The following DPYD variants were observed in gnomAD, a reference collection of about 807,000 sequenced individuals.
DPYD encodes dihydropyrimidine dehydrogenase.
In DPYD, 109 loss-of-function variants were observed where a neutral mutation model predicts 116.2. That is an observed-to-expected ratio of 0.94 (90% CI 0.80 to 1.10). The LOEUF is 1.10. DPYD is among the 50% of genes least tolerant of loss of function. The pLI is 0.00. For synonymous variants in DPYD, 440 were observed against 432.0 expected (o/e 1.02, Z -0.23); for missense variants, 1,302 against 1,254.5 (o/e 1.04, Z -0.57).
intron 12 of DPYD, chr1:97,545,742 A>C: frequency 6.7e-7 from 1 of 1,499,724 alleles, no homozygotes; most frequent in Non-Finnish European, 9.2e-7. Flanking sequence ...AAGAAAGGGA[A>C]TTTCGTGCTC....
At chr1:97,757,876 A>C (rs1465716186) in intron 3 of DPYD, among the ~76,000 whole-genome samples, 1 of 152,158 alleles carries the variant, frequency 6.6e-6, no homozygotes, top group Non-Finnish European at 1.5e-5. Flanking sequence ...TTAGGAAAAA[A>C]ATGATCATTA....
At chr1:97,215,657 A>G (rs1300646859) in intron 19 of DPYD, among the ~76,000 whole-genome samples, 1 of 152,120 alleles carries the variant, frequency 6.6e-6, no homozygotes, top group Non-Finnish European at 1.5e-5. Context: ...AACTGAGGGC[A>G]CTTGTAGTTT....
At chr1:97,323,548 TACA>T (rs1668507099) in intron 16 of DPYD, among the ~76,000 whole-genome samples, 2 of 80,914 alleles carry the variant, frequency 2.5e-5, no homozygotes, top group African/African-American at 7.2e-5. Flanking sequence ...ATCATATATA[TACA>T]TATATGTGTA....
At chr1:97,421,529 T>C (rs1674583187) in intron 14 of DPYD, among the ~76,000 whole-genome samples, 1 of 142,202 alleles carries the variant, frequency 7.0e-6, no homozygotes, top group South Asian at 2.1e-4. Context: ...TTTTGGTCAG[T>C]TTTTATTTAT....
At chr1:97,891,419 G>T (rs1384459761) in intron 1 of DPYD, among the ~76,000 whole-genome samples, 2 of 7,290 alleles carry the variant, frequency 2.7e-4, no homozygotes, top group Non-Finnish European at 6.5e-3. Flanking sequence ...TATTCCAGAC[G>T]CAGAAAAAAA....
intron 8 of DPYD, among the ~76,000 whole-genome samples, chr1:97,604,395 C>A (rs911956492): frequency 6.6e-6 from 1 of 152,070 alleles, no homozygotes; most frequent in East Asian, 1.9e-4. Context: ...ATGTAATTCA[C>A]AAACATAGAA....
chr1:97,702,542 G>T (rs1661654478), intron 5 of DPYD, among the ~76,000 whole-genome samples: 2 of 151,840 alleles, frequency 1.3e-5, no homozygotes. Flanking sequence ...CATTTATGAT[G>T]TATTTAAAAG....
intron 8 of DPYD, among the ~76,000 whole-genome samples, chr1:97,625,311 AT>A (rs1487559734): frequency 6.7e-6 from 1 of 150,284 alleles, no homozygotes; most frequent in Non-Finnish European, 1.5e-5. Flanking sequence ...GAAGGATTAC[AT>A]GTAAGAAGAA....
intron 3 of DPYD, among the ~76,000 whole-genome samples, chr1:97,765,159 T>C (rs1054942806): frequency 6.6e-6 from 1 of 152,224 alleles, no homozygotes; most frequent in African/African-American, 2.4e-5. Context: ...TTTAATTCTA[T>C]ACAACGCCTT....
At chr1:97,525,869 T>G (rs1649026405) in intron 12 of DPYD, among the ~76,000 whole-genome samples, 1 of 126,330 alleles carries the variant, frequency 7.9e-6, no homozygotes, top group East Asian at 2.9e-4. Flanking sequence ...ATTAAGAGTG[T>G]GCGTGTGTGT....
intron 20 of DPYD, among the ~76,000 whole-genome samples, chr1:97,192,150 A>G (rs1445704592): frequency 6.6e-6 from 1 of 152,000 alleles, no homozygotes; most frequent in African/African-American, 2.4e-5. Context: ...GGACAGTGAT[A>G]TTTTCTACTA....
intron 14 of DPYD, among the ~76,000 whole-genome samples, chr1:97,407,485 G>A (rs1268737813): frequency 6.6e-6 from 1 of 152,128 alleles, no homozygotes; most frequent in Non-Finnish European, 1.5e-5. Context: ...CAAACTCCTA[G>A]AGGACATGGG....
At chr1:97,145,433 G>A (rs1171441187) in intron 20 of DPYD, among the ~76,000 whole-genome samples, 1 of 152,078 alleles carries the variant, frequency 6.6e-6, no homozygotes. Context: ...TTCATTCCAA[G>A]TTCGTTCCAA....
At chr1:97,154,866 C>A (rs1655324845) in intron 20 of DPYD, among the ~76,000 whole-genome samples, 1 of 152,088 alleles carries the variant, frequency 6.6e-6, no homozygotes, top group African/African-American at 2.4e-5. Context: ...AGAACTTATT[C>A]TTGTAACCAA....
intron 19 of DPYD, among the ~76,000 whole-genome samples, chr1:97,211,579 C>T (rs549576219): frequency 6.6e-6 from 1 of 152,160 alleles, no homozygotes; most frequent in South Asian, 2.1e-4. Context: ...CCAATCTCTC[C>T]TTGATATATT....
At chr1:97,440,957 T>C (rs565365778) in intron 14 of DPYD, among the ~76,000 whole-genome samples, 3 of 152,320 alleles carry the variant, frequency 2.0e-5, no homozygotes, top group African/African-American at 7.2e-5. Context: ...GATTTTGAAA[T>C]CTAGGTTAAT....
intron 3 of DPYD, among the ~76,000 whole-genome samples, chr1:97,810,569 C>T (rs1385328299): frequency 6.6e-6 from 1 of 151,994 alleles, no homozygotes; most frequent in Non-Finnish European, 1.5e-5. Context: ...TTCTCTTCTC[C>T]CATCCTTCAC....
rs541672489 is a variant in DPYD, at chr1:97,560,086, C to G, written c.1340-10342G>C. 3.3e-5 allele frequency among the ~76,000 whole-genome samples: 5 copies of G among 152,222 alleles called. No homozygotes were observed. The East Asian group carries it at 9.6e-4, about 29-fold the overall frequency. ...AAATCCACAGAAGCATTTGGAGATA[C>G]ACACCTAGACCTCAGATGAAGGCAC... On this transcript the variant is annotated intron_variant, in intron 11 of 22. Transcript: ENST00000370192.
At chr1:97,307,621 T>G (rs550078693) in intron 16 of DPYD, among the ~76,000 whole-genome samples, 3 of 151,896 alleles carry the variant, frequency 2.0e-5, no homozygotes, top group African/African-American at 7.2e-5. Context: ...CTTGGCTTAT[T>G]CTCTTTTTAG....
Sources: allele counts gnomAD v4.1 joint callset (sites outside exome capture counted in the v4.1 genomes callset), GRCh38; gene constraint gnomAD v4.1.1; transcripts MANE v1.5; gene names NCBI Gene and HGNC (gene_info 2026-07-23, HGNC 2026-07-21).